AGK: variants seen among roughly 807,000 people sequenced by gnomAD.
AGK encodes acylglycerol kinase, mitochondrial.
In AGK, 52 loss-of-function variants were observed where a neutral mutation model predicts 66.4. The ratio of observed to expected loss-of-function variants is 0.78; its 90% CI spans 0.63 to 0.99. AGK has a LOEUF of 0.99. AGK is among the 50% of genes least tolerant of loss of function. The pLI is 0.00. For synonymous variants in AGK, 182 were observed against 181.1 expected, an observed-to-expected ratio of 1.00 and a Z score of -0.04; for missense variants, 451 against 506.6, an observed-to-expected ratio of 0.89 and a Z score of 1.05.
intron 2 of AGK, among the ~76,000 whole-genome samples, chr7:141,564,227 A>G (rs1253547012): frequency 6.6e-6 from 1 of 152,130 alleles, no homozygotes; most frequent in Non-Finnish European, 1.5e-5. Context: ...TTTATTTTGC[A>G]TTCTTCTTGA....
intron 2 of AGK, among the ~76,000 whole-genome samples, chr7:141,588,565 G>A (rs903719646): frequency 2.1e-4 from 32 of 151,608 alleles, no homozygotes; most frequent in African/African-American, 7.0e-4. Flanking sequence ...TCAGTGAGCC[G>A]AGACAGCGCC....
In AGK at chr7:141,555,099, T is replaced by C. The variant is rs1019277328; in HGVS notation, c.-14-354T>C. The stretch of plus-strand genomic sequence containing the variant: ...GTGGTACAGTGAGGCTGTAAGGAGT[T>C]AGAAAAACCAGAGGAAGCCTGGAAT... On this transcript the variant is annotated intron_variant, in intron 1 of 15. Transcript: ENST00000649286. The surrounding 1 kb of genome is among the most constrained non-coding windows in gnomAD (Gnocchi z 4.2). 2.0e-5 allele frequency among the ~76,000 whole-genome samples: 3 copies of C among 152,000 alleles called. No individual in the cohort carries two copies. Among genetic ancestry groups the C allele is most frequent in the African/African-American group, 7.3e-5 (3 of 41,286 alleles).
At chr7:141,635,937 G>A (rs182960367) in intron 10 of AGK, among the ~76,000 whole-genome samples, 30 of 152,172 alleles carry the variant, frequency 2.0e-4, no homozygotes, top group African/African-American at 5.8e-4. Context: ...TGTTTCCTCC[G>A]CATTCATAGT....
At chr7:141,615,743 TG>T (rs1796689259) in intron 8 of AGK, 178 bp downstream of exon 8, 1 of 599,322 alleles carries the variant, frequency 1.7e-6, no homozygotes, top group Non-Finnish European at 3.0e-6. Context: ...AACTTGGTTG[TG>T]GGACTCTTAT....
chr7:141,635,375 CTG>C (rs1253315736), intron 10 of AGK, among the ~76,000 whole-genome samples: 2 of 152,060 alleles, frequency 1.3e-5, no homozygotes, highest in African/African-American at 4.8e-5. Flanking sequence ...ATGAAGGAAA[CTG>C]AGGAAATTTT....
chr7:141,590,490 C>T (rs1282886015), intron 2 of AGK, among the ~76,000 whole-genome samples: 1 of 152,104 alleles, frequency 6.6e-6, no homozygotes, highest in East Asian at 1.9e-4. Context: ...AAGCTGCGTT[C>T]CCAGGGCCTG....
chr7:141,571,085 T>TA (rs1297776126), intron 2 of AGK, among the ~76,000 whole-genome samples: 1 of 152,232 alleles, frequency 6.6e-6, no homozygotes, highest in East Asian at 1.9e-4. Flanking sequence ...AAAATTGTGT[T>TA]ATTATATTCA....
At chr7:141,565,708 A>G (rs1369769924) in intron 2 of AGK, among the ~76,000 whole-genome samples, 1 of 151,484 alleles carries the variant, frequency 6.6e-6, no homozygotes, top group African/African-American at 2.4e-5. Flanking sequence ...CCCTGCATCC[A>G]GGTCATACAT....
intron 2 of AGK, among the ~76,000 whole-genome samples, chr7:141,568,959 C>A (rs1795529827): frequency 6.6e-6 from 1 of 152,150 alleles, no homozygotes. Context: ...CCCACAGACA[C>A]CATAAATTCC....
intron 2 of AGK, among the ~76,000 whole-genome samples, chr7:141,580,197 C>T (rs191499848): frequency 2.6e-5 from 4 of 151,892 alleles, no homozygotes; most frequent in East Asian, 3.9e-4. Context: ...AATATTGATG[C>T]GTAGTCCTTT....
intron 14 of AGK, chr7:141,650,525 T>C (rs887941412): frequency 2.0e-6 from 2 of 985,342 alleles, no homozygotes; most frequent in African/African-American, 3.5e-5. Flanking sequence ...GAGAACATAG[T>C]GAAGCTGCGT....
rs746709222 is a variant in AGK at position 141,614,164 on chromosome 7, C to T, written c.409C>T (p.Arg137Ter). The T allele has an allele frequency of 5.0e-5, 77 of 1,536,542 alleles. No homozygotes were observed. Among genetic ancestry groups the T allele is most frequent in the East Asian group, 1.4e-4 (6 of 41,498 alleles). ...TLQEVVTGVL[R>*]RTDEATFSKI... is the part of the protein sequence containing the mutation. ...TTTGTAGGTTGTTACTGGTGTTCTT[C>T]GACGAACAGATGAGGTGAGCATTAA... Residue 137 changes from arginine to a stop codon, truncating the protein, a stop_gained, in exon 7 of 16, where the codon CGA (arginine) becomes TGA (stop). Coordinates refer to ENST00000649286, the MANE Select transcript of AGK (RefSeq NM_018238.4). LOFTEE classifies it high-confidence loss of function.
intron 2 of AGK, among the ~76,000 whole-genome samples, chr7:141,590,500 G>A (rs1359110777): frequency 6.6e-6 from 1 of 152,198 alleles, no homozygotes; most frequent in Non-Finnish European, 1.5e-5. Flanking sequence ...CCCAGGGCCT[G>A]TGCAAGTTGG....
At chr7:141,623,393 GAAAA>G (rs747528988) in intron 9 of AGK, among the ~76,000 whole-genome samples, 392 of 104,812 alleles carry the variant, frequency 3.7e-3, no homozygotes, top group African/African-American at 0.014. Context: ...AAAAAAAAAA[GAAAA>G]AAAAAAGAAA....
intron 2 of AGK, among the ~76,000 whole-genome samples, chr7:141,569,706 A>T (rs1795557144): frequency 6.6e-6 from 1 of 152,190 alleles, no homozygotes; most frequent in East Asian, 1.9e-4. Flanking sequence ...ATATAGATGA[A>T]GAAACTTAGG....
intron 8 of AGK, among the ~76,000 whole-genome samples, chr7:141,620,090 T>A (rs1457975436): frequency 6.6e-6 from 1 of 152,188 alleles, no homozygotes; most frequent in Non-Finnish European, 1.5e-5. Flanking sequence ...AAAGGCTCCA[T>A]ACTTTTCGAT....
intron 2 of AGK, among the ~76,000 whole-genome samples, chr7:141,563,441 C>G (rs1315064925): frequency 6.6e-6 from 1 of 152,236 alleles, no homozygotes; most frequent in Non-Finnish European, 1.5e-5. Flanking sequence ...TCTGGGATCT[C>G]AGTTACATTC....
rs142016790 is a variant in AGK, at chr7:141,630,134, T to C, written c.589-3767T>C. 1.4e-4 allele frequency among the ~76,000 whole-genome samples: 21 copies of C among 152,332 alleles called. No individual in the cohort carries two copies. The East Asian group carries it at 4.1e-3, about 29-fold the overall frequency. ...GCAGCAGCATCATCATCCTCAGACATAGCACTTGTTAACATGTTATGAAAC... is the reference window on the plus strand; with the variant it reads ...GCAGCAGCATCATCATCCTCAGACACAGCACTTGTTAACATGTTATGAAAC... On this transcript the variant is annotated intron_variant, in intron 9 of 15. Coordinates refer to ENST00000649286, the MANE Select transcript of AGK (RefSeq NM_018238.4).
intron 2 of AGK, among the ~76,000 whole-genome samples, chr7:141,580,649 C>A (rs1795862850): frequency 6.6e-6 from 1 of 151,958 alleles, no homozygotes; most frequent in South Asian, 2.1e-4. Context: ...GTGAGTTGAG[C>A]ATAGTTTGTG....
Sources: gnomAD v4.1 joint callset for allele counts (sites outside exome capture counted in the v4.1 genomes callset) on GRCh38, gnomAD v4.1.1 for gene constraint, Gnocchi (gnomAD v3.1) non-coding constraint, MANE v1.5 for transcripts, NCBI Gene and HGNC (gene_info 2026-07-23, HGNC 2026-07-21) for gene names.